CADM2: variants seen among roughly 807,000 people sequenced by gnomAD.
The protein encoded by CADM2 is immunoglobulin superfamily member 4D.
A neutral mutation model predicts 49.8 loss-of-function variants in CADM2; 12 were observed. The observed-to-expected ratio is 0.24, with a 90% CI of 0.15 to 0.39. The LOEUF (loss-of-function observed/expected upper bound fraction) is 0.39, where lower values mean the gene tolerates loss of function less well. Among genes scored for constraint, CADM2 ranks in the 10% least tolerant of loss-of-function variants. CADM2 has a pLI of 1.00. For synonymous variants in CADM2, 214 were observed against 175.4 expected, an observed-to-expected ratio of 1.22 and a Z score of -1.74; for missense variants, 378 against 492.3, an observed-to-expected ratio of 0.77 and a Z score of 2.20.
chr3:85,559,380 A>G (rs918688573), intron 1 of CADM2, among the ~76,000 whole-genome samples: 7 of 152,058 alleles, frequency 4.6e-5, no homozygotes, highest in African/African-American at 1.4e-4. Context: ...TTTCCTATTC[A>G]ATATCTTAAT....
chr3:86,014,759 G>C, intron 8 of CADM2: 1 of 1,485,258 alleles, frequency 6.7e-7, no homozygotes, highest in Non-Finnish European at 9.0e-7. Flanking sequence ...TCTCAGCCAA[G>C]CTTCACTGTT....
chr3:85,643,936 C>A (rs941953177), intron 1 of CADM2, among the ~76,000 whole-genome samples: 18 of 152,144 alleles, frequency 1.2e-4, no homozygotes, highest in African/African-American at 4.1e-4. Flanking sequence ...GGGGTTAGGG[C>A]TTTAGCATAT....
intron 1 of CADM2, among the ~76,000 whole-genome samples, chr3:85,096,399 C>T (rs2037795809): frequency 6.7e-6 from 1 of 150,304 alleles, no homozygotes; most frequent in African/African-American, 2.4e-5. Context: ...AAAATGTACC[C>T]ATTCTACAGA....
At chr3:85,070,457 T>G (rs2036688947) in intron 1 of CADM2, among the ~76,000 whole-genome samples, 1 of 152,192 alleles carries the variant, frequency 6.6e-6, no homozygotes, top group Non-Finnish European at 1.5e-5. Context: ...AAATGTTCAT[T>G]TGTTATCTGT....
chr3:85,335,064 T>A, intron 1 of CADM2, among the ~76,000 whole-genome samples: 1 of 151,612 alleles, frequency 6.6e-6, no homozygotes, highest in East Asian at 1.9e-4. Context: ...AAAAAAAAGA[T>A]ACTAAGTAAA....
At chr3:85,153,418 C>G (rs962975491) in intron 1 of CADM2, among the ~76,000 whole-genome samples, 2 of 152,226 alleles carry the variant, frequency 1.3e-5, no homozygotes, top group African/African-American at 2.4e-5. Flanking sequence ...TATCCTGCAC[C>G]TGGCTCAGAG....
intron 1 of CADM2, among the ~76,000 whole-genome samples, chr3:85,225,405 G>C (rs7625890): frequency 0.68 from 102,668 of 151,954 alleles, 35,548 homozygotes; most frequent in African/African-American, 0.82. Context: ...CTCTGTTAGT[G>C]TGTTACTGGT....
At chr3:86,065,530 CTCAT>C in intron 8 of CADM2, 71 bp from the exon 9 acceptor site, 1 of 1,440,954 alleles carries the variant, frequency 6.9e-7, no homozygotes, top group Non-Finnish European at 9.4e-7. Context: ...TTCAAAATAA[CTCAT>C]TCTAATGCAG....
intron 7 of CADM2, among the ~76,000 whole-genome samples, chr3:85,937,425 A>AT (rs1284036678): frequency 6.6e-6 from 1 of 151,900 alleles, no homozygotes; most frequent in Non-Finnish European, 1.5e-5. Flanking sequence ...AAGGCTCCCT[A>AT]TTTTACGGAA....
intron 1 of CADM2, among the ~76,000 whole-genome samples, chr3:84,976,159 G>A (rs922435100): frequency 1.3e-4 from 20 of 151,716 alleles, no homozygotes; most frequent in African/African-American, 4.8e-4. Context: ...TTTAGTTACT[G>A]TGTTATGGGA....
chr3:85,733,901 TG>T (rs1272522032), intron 2 of CADM2, among the ~76,000 whole-genome samples: 4 of 152,118 alleles, frequency 2.6e-5, no homozygotes, highest in Non-Finnish European at 5.9e-5. Context: ...AGCTTCTGTG[TG>T]GGGGTTTAGA....
chr3:85,569,705 AAAAAAAAAAG>A (rs2062420799), intron 1 of CADM2, among the ~76,000 whole-genome samples: 2 of 133,896 alleles, frequency 1.5e-5, no homozygotes, highest in Non-Finnish European at 1.7e-5. Flanking sequence ...TAATGGCAAA[AAAAAAAAAAG>A]AAAAAAAAAA....
intron 1 of CADM2, among the ~76,000 whole-genome samples, chr3:85,121,078 T>C (rs1219038611): frequency 6.6e-6 from 1 of 152,178 alleles, no homozygotes; most frequent in Admixed American, 6.5e-5. Context: ...GCCTTGATTA[T>C]GTCTTCAGGC....
chr3:85,757,865 T>A (rs2069194613), intron 2 of CADM2, among the ~76,000 whole-genome samples: 1 of 152,182 alleles, frequency 6.6e-6, no homozygotes, highest in African/African-American at 2.4e-5. Context: ...TTTGAAAAGA[T>A]TCCTCTGAGT....
chr3:85,270,994 T>A (rs1350683112), intron 1 of CADM2, among the ~76,000 whole-genome samples: 1 of 151,352 alleles, frequency 6.6e-6, no homozygotes, highest in Admixed American at 6.6e-5. Flanking sequence ...CAATTTTCCA[T>A]TTTAAACTGG....
intron 2 of CADM2, among the ~76,000 whole-genome samples, chr3:85,759,811 C>T (rs113517485): frequency 1.7e-4 from 26 of 152,140 alleles, no homozygotes; most frequent in African/African-American, 6.0e-4. Context: ...GGGGACATTA[C>T]GTTGTGTCCT....
At chr3:85,570,098 A>G (rs2062432227) in intron 1 of CADM2, among the ~76,000 whole-genome samples, 1 of 152,194 alleles carries the variant, frequency 6.6e-6, no homozygotes, top group African/African-American at 2.4e-5. Context: ...TTGTGAATGT[A>G]GTTTATAGAT....
chr3:85,336,448 A>G (rs1391998785), intron 1 of CADM2, among the ~76,000 whole-genome samples: 1 of 151,542 alleles, frequency 6.6e-6, no homozygotes, highest in Non-Finnish European at 1.5e-5. Context: ...CATAAAATCA[A>G]ATTGTTTACG....
chr3:85,056,514 C>T (rs1178242523), intron 1 of CADM2, among the ~76,000 whole-genome samples: 1 of 151,934 alleles, frequency 6.6e-6, no homozygotes, highest in Non-Finnish European at 1.5e-5. Flanking sequence ...AACAGGGTTT[C>T]ACAGATATAA....
Sources: gnomAD v4.1 joint callset for allele counts (sites outside exome capture counted in the v4.1 genomes callset) on GRCh38, gnomAD v4.1.1 for gene constraint, MANE v1.5 for transcripts, NCBI Gene and HGNC (gene_info 2026-07-23, HGNC 2026-07-21) for gene names.